WDPCP: variants seen among roughly 807,000 people sequenced by gnomAD.
WDPCP encodes WD repeat-containing and planar cell polarity effector protein fritz homolog.
A neutral mutation model predicts 93.1 loss-of-function variants in WDPCP; 71 were observed. The ratio of observed to expected loss-of-function variants is 0.76; its 90% confidence interval spans 0.63 to 0.93. The LOEUF (loss-of-function observed/expected upper bound fraction) is 0.93. Ranked by LOEUF, WDPCP falls within the 40% of genes least tolerant of loss-of-function variation. The pLI, the probability that WDPCP is intolerant of heterozygous loss-of-function variation, is 0.00. For synonymous variants in WDPCP, 315 were observed against 315.0 expected (o/e 1.00, Z 0.00); for missense variants, 844 against 887.4 (o/e 0.95, Z 0.62).
chr2:63,446,142 C>T (rs1051331922), intron 6 of WDPCP, among the ~76,000 whole-genome samples: 1 of 152,154 alleles, frequency 6.6e-6, no homozygotes, highest in African/African-American at 2.4e-5. Flanking sequence ...CAGCTCTTTT[C>T]CTCACTCAAA....
At chr2:63,446,153 C>G (rs1697847297) in intron 6 of WDPCP, among the ~76,000 whole-genome samples, 1 of 152,132 alleles carries the variant, frequency 6.6e-6, no homozygotes, top group Non-Finnish European at 1.5e-5. Context: ...CTCACTCAAA[C>G]CAGTCTCCCT....
chr2:63,603,655 C>CTTT (rs11297982), intron 3 of WDPCP, among the ~76,000 whole-genome samples: 55 of 99,060 alleles, frequency 5.6e-4, no homozygotes, highest in East Asian at 6.7e-4. Flanking sequence ...CAAGACATTT[C>CTTT]TTTTTTTTTT....
chr2:63,579,833 G>A (rs556314324), intron 1 of WDPCP, among the ~76,000 whole-genome samples: 18 of 152,242 alleles, frequency 1.2e-4, no homozygotes, highest in Admixed American at 7.8e-4. Flanking sequence ...CAAATCTCAT[G>A]TTGAAATTTG....
chr2:63,806,108 TG>T (rs1670758859), intron 2 of WDPCP, among the ~76,000 whole-genome samples: 1 of 152,120 alleles, frequency 6.6e-6, no homozygotes, highest in Admixed American at 6.5e-5. Flanking sequence ...AGTGAGAGCC[TG>T]TCTCAAAAAA....
intron 3 of WDPCP, among the ~76,000 whole-genome samples, chr2:63,601,541 G>A (rs970892226): frequency 2.0e-5 from 3 of 152,230 alleles, no homozygotes; most frequent in African/African-American, 7.2e-5. Context: ...GTCTAAGGGA[G>A]CAAAGAGCTG....
intron 1 of WDPCP, among the ~76,000 whole-genome samples, chr2:63,511,243 G>C (rs905169727): frequency 6.6e-6 from 1 of 152,102 alleles, no homozygotes; most frequent in Non-Finnish European, 1.5e-5. Context: ...AAGGAAATCA[G>C]AGAGGACACA....
At chr2:63,721,732 C>T (rs1184014392) in intron 2 of WDPCP, among the ~76,000 whole-genome samples, 1 of 146,790 alleles carries the variant, frequency 6.8e-6, no homozygotes. Context: ...TCCTCCCCCT[C>T]TCCCTCTCCC....
At chr2:63,415,340 G>C (rs887880531) in intron 9 of WDPCP, among the ~76,000 whole-genome samples, 2 of 152,164 alleles carry the variant, frequency 1.3e-5, no homozygotes, top group Non-Finnish European at 2.9e-5. Flanking sequence ...TCCAGGCTGG[G>C]TGACAAAGCA....
chr2:63,253,962 A>G (rs1055377831), intron 14 of WDPCP, among the ~76,000 whole-genome samples: 4 of 152,192 alleles, frequency 2.6e-5, no homozygotes, highest in Admixed American at 1.3e-4. Context: ...TCACAATAGC[A>G]AAGACATGGA....
intron 14 of WDPCP, among the ~76,000 whole-genome samples, chr2:63,198,382 A>AT (rs979716476): frequency 4.6e-5 from 7 of 151,758 alleles, no homozygotes; most frequent in Admixed American, 2.0e-4. Flanking sequence ...ATATTCCCAG[A>AT]TTTTTTTTTA....
Position 63,285,320 on chromosome 2 carries a change from G to A in WDPCP, c.1813-25911C>T, listed in dbSNP as rs1683904859. 3.9e-5 allele frequency among the ~76,000 whole-genome samples: 6 copies of A among 151,938 alleles called. 1 individual carries two copies. In the South Asian group the frequency reaches 1.2e-3, roughly 31 times the overall value. On this transcript the variant is annotated intron_variant, in intron 13 of 17. Coordinates refer to ENST00000272321, the MANE Select transcript of WDPCP (RefSeq NM_015910.7). ...GTGGTGGCGGGTGGCTGTAGTCCCA[G>A]CTACTCAGGAGGCTGAGGCGGGAGA...
chr2:63,156,534 G>A (rs768958644), intron 15 of WDPCP, among the ~76,000 whole-genome samples: 14 of 151,850 alleles, frequency 9.2e-5, no homozygotes, highest in Non-Finnish European at 1.6e-4. Context: ...TCAGGAGTTC[G>A]AGACCCGTCT....
At chr2:63,191,346 T>G (rs1675028838) in intron 14 of WDPCP, among the ~76,000 whole-genome samples, 3 of 151,872 alleles carry the variant, frequency 2.0e-5, no homozygotes, top group Non-Finnish European at 2.9e-5. Context: ...GAGCTGAGAT[T>G]GCACCACTGC....
At chr2:63,588,714 T>A (rs1018583262), upstream of WDPCP, 8 of 481,082 alleles carry the variant, frequency 1.7e-5, no homozygotes, top group East Asian at 4.0e-5. Context: ...CCTTTCCTCC[T>A]GAGCCCAAAC....
intron 2 of WDPCP, among the ~76,000 whole-genome samples, chr2:63,711,915 T>C (rs1669269580): frequency 6.6e-6 from 1 of 152,138 alleles, no homozygotes; most frequent in Non-Finnish European, 1.5e-5. Context: ...TCCCACAAAC[T>C]CCCTTGCTAC....
At chr2:63,567,771 AG>A (rs759011519) in intron 1 of WDPCP, among the ~76,000 whole-genome samples, 8 of 152,088 alleles carry the variant, frequency 5.3e-5, no homozygotes, top group Non-Finnish European at 8.8e-5. Flanking sequence ...ATTCTCTGTT[AG>A]ACTCTGATGT....
At position 63,291,456 on chromosome 2, in the gene WDPCP, T is replaced by C. The variant is rs546727055; in HGVS notation, c.1812+21792A>G. Among the ~76,000 whole-genome samples the C allele has an allele frequency of 3.3e-5, 5 of 152,318 alleles. No individual in the cohort carries two copies. The South Asian group carries it at 8.3e-4, about 25-fold the overall frequency. ...AGGAAGAATAAGGCAAATTAATGTC[T>C]CCATAGTGATGGTGTTTTTGTGTCT... On this transcript the variant is annotated intron_variant, in intron 13 of 17. Coordinates refer to ENST00000272321, the MANE Select transcript of WDPCP (RefSeq NM_015910.7).
chr2:63,273,295 A>T (rs1365221131), intron 13 of WDPCP, among the ~76,000 whole-genome samples: 3 of 152,200 alleles, frequency 2.0e-5, no homozygotes, highest in Non-Finnish European at 4.4e-5. Context: ...CCATGAAAAC[A>T]CATAAAGTAT....
At chr2:63,284,634 A>G (rs1004034790) in intron 13 of WDPCP, among the ~76,000 whole-genome samples, 5 of 152,226 alleles carry the variant, frequency 3.3e-5, no homozygotes, top group African/African-American at 9.6e-5. Context: ...TAAGATGGCT[A>G]CTAAGTGACA....
Sources: gnomAD v4.1 joint callset for allele counts (sites outside exome capture counted in the v4.1 genomes callset) on GRCh38, gnomAD v4.1.1 for gene constraint, MANE v1.5 for transcripts, NCBI Gene and HGNC (gene_info 2026-07-23, HGNC 2026-07-21) for gene names.